Variants in ADGRB3 observed in about 807,000 individuals in gnomAD.
The protein encoded by ADGRB3 is adhesion G protein-coupled receptor B3.
ADGRB3 carries 37 observed loss-of-function variants against 193.4 expected under a neutral mutation model. The ratio of observed to expected loss-of-function variants is 0.19; its 90% confidence interval spans 0.15 to 0.25. The LOEUF is 0.25. ADGRB3 is among the 10% of genes least tolerant of loss of function. The pLI is 1.00. For synonymous variants in ADGRB3, 690 were observed against 644.2 expected (o/e 1.07, Z -1.08); for missense variants, 1,637 against 1,852.9 (o/e 0.88, Z 2.14).
chr6:68,759,500 C>T (rs1044480869), intron 3 of ADGRB3, among the ~76,000 whole-genome samples: 2 of 151,988 alleles, frequency 1.3e-5, no homozygotes, highest in Non-Finnish European at 2.9e-5. Context: ...TAATTCCTAT[C>T]TTGGTCTCTT....
intron 20 of ADGRB3, among the ~76,000 whole-genome samples, chr6:69,247,043 C>T (rs982827296): frequency 2.0e-5 from 3 of 152,154 alleles, no homozygotes; most frequent in Non-Finnish European, 2.9e-5. Flanking sequence ...TTAGACTTGG[C>T]CTTCATGATT....
intron 3 of ADGRB3, among the ~76,000 whole-genome samples, chr6:68,904,188 G>T (rs1339354651): frequency 6.6e-6 from 1 of 151,838 alleles, no homozygotes. Flanking sequence ...ATTTGTAAAG[G>T]CTATAAACTT....
At chr6:68,844,869 A>C (rs751546002) in intron 3 of ADGRB3, among the ~76,000 whole-genome samples, 1 of 152,216 alleles carries the variant, frequency 6.6e-6, no homozygotes, top group Non-Finnish European at 1.5e-5. Context: ...TCAGGCACAG[A>C]AAAACAAACT....
intron 17 of ADGRB3, among the ~76,000 whole-genome samples, chr6:69,153,455 T>C (rs1314806211): frequency 6.6e-6 from 1 of 152,162 alleles, no homozygotes. Flanking sequence ...AGGCTAAAAC[T>C]AAATGGAGAA....
chr6:68,829,201 G>A (rs1767908479), intron 3 of ADGRB3, among the ~76,000 whole-genome samples: 1 of 144,712 alleles, frequency 6.9e-6, no homozygotes, highest in African/African-American at 2.6e-5. Context: ...CTGGATTCAA[G>A]CAATTCTCCT....
intron 17 of ADGRB3, among the ~76,000 whole-genome samples, chr6:69,222,035 T>C (rs893414333): frequency 1.3e-5 from 2 of 152,294 alleles, no homozygotes; most frequent in African/African-American, 4.8e-5. Context: ...ATTTCTTTAT[T>C]TCTTCATGAA....
intron 20 of ADGRB3, among the ~76,000 whole-genome samples, chr6:69,289,117 G>T (rs987558056): frequency 6.6e-6 from 1 of 152,118 alleles, no homozygotes; most frequent in African/African-American, 2.4e-5. Flanking sequence ...TCCTGAGAGC[G>T]TCCAGTTTTC....
chr6:69,049,448 A>G, intron 15 of ADGRB3, 102 bp downstream of exon 15: 1 of 819,468 alleles, frequency 1.2e-6, no homozygotes, highest in Non-Finnish European at 1.9e-6. Flanking sequence ...GGTAATATGA[A>G]GGGATTTTTC....
At chr6:69,180,624 T>C (rs1218507060) in intron 17 of ADGRB3, among the ~76,000 whole-genome samples, 1 of 152,152 alleles carries the variant, frequency 6.6e-6, no homozygotes, top group Non-Finnish European at 1.5e-5. Context: ...CACAGACCAG[T>C]TCCAGGTTGC....
chr6:68,932,415 T>G (rs1331135970), intron 4 of ADGRB3, among the ~76,000 whole-genome samples: 1 of 152,154 alleles, frequency 6.6e-6, no homozygotes, highest in Non-Finnish European at 1.5e-5. Context: ...AAATTCAAAT[T>G]TCAAGGAACA....
chr6:69,349,401 T>A (rs956983338), intron 26 of ADGRB3, among the ~76,000 whole-genome samples: 1 of 152,224 alleles, frequency 6.6e-6, no homozygotes. Context: ...TCATTGGGAC[T>A]GAAATTTGCA....
chr6:69,031,187 TC>T (rs1201601846), intron 13 of ADGRB3, among the ~76,000 whole-genome samples: 3 of 151,020 alleles, frequency 2.0e-5, no homozygotes, highest in African/African-American at 7.3e-5. Flanking sequence ...ATGGCTGTAA[TC>T]CCAGCACTTT....
chr6:68,880,095 A>G (rs1219399175), intron 3 of ADGRB3, among the ~76,000 whole-genome samples: 1 of 152,206 alleles, frequency 6.6e-6, no homozygotes, highest in East Asian at 1.9e-4. Flanking sequence ...CGAATTGTTT[A>G]AAGTGGAGAG....
At chr6:68,891,849 C>CA (rs1045374630) in intron 3 of ADGRB3, among the ~76,000 whole-genome samples, 32 of 152,098 alleles carry the variant, frequency 2.1e-4, no homozygotes, top group Non-Finnish European at 4.3e-4. Context: ...ATGAAGATGA[C>CA]AGAGCCAAGA....
chr6:69,221,749 G>A (rs1159745462), intron 17 of ADGRB3, among the ~76,000 whole-genome samples: 1 of 152,104 alleles, frequency 6.6e-6, no homozygotes, highest in Non-Finnish European at 1.5e-5. Context: ...TTGAAAGAAG[G>A]TGTTCTTCTG....
intron 3 of ADGRB3, among the ~76,000 whole-genome samples, chr6:68,846,439 C>A (rs1768276074): frequency 6.6e-6 from 1 of 152,240 alleles, no homozygotes; most frequent in South Asian, 2.1e-4. Flanking sequence ...GGCAGCCCTT[C>A]CATCACAGGC....
intron 17 of ADGRB3, among the ~76,000 whole-genome samples, chr6:69,141,340 G>T (rs1016721407): frequency 1.3e-5 from 2 of 152,022 alleles, no homozygotes; most frequent in African/African-American, 2.4e-5. Flanking sequence ...AGCCAGGATT[G>T]TCTCGATCTG....
intron 20 of ADGRB3, among the ~76,000 whole-genome samples, chr6:69,297,340 ATC>A (rs386407481): frequency 1.7e-3 from 191 of 111,934 alleles, no homozygotes; most frequent in East Asian, 3.1e-3. Flanking sequence ...TTCTACTGAT[ATC>A]TCTCTCTCTC....
intron 3 of ADGRB3, among the ~76,000 whole-genome samples, chr6:68,751,875 A>C (rs2127347437): frequency 6.6e-6 from 1 of 152,258 alleles, no homozygotes; most frequent in South Asian, 2.1e-4. Flanking sequence ...TACAACTATA[A>C]GCCCTCCATC....
Sources: gnomAD v4.1 joint callset for allele counts (sites outside exome capture counted in the v4.1 genomes callset) on GRCh38, gnomAD v4.1.1 for gene constraint, MANE v1.5 for transcripts, NCBI Gene and HGNC (gene_info 2026-07-23, HGNC 2026-07-21) for gene names.